Variants in AAK1 observed in about 807,000 individuals in gnomAD.
AAK1 encodes the protein AP2 associated kinase 1, also known as AP2-associated protein kinase 1.
In AAK1, 37 loss-of-function variants were observed where a neutral mutation model predicts 116.0. The observed-to-expected ratio is 0.32, with a 90% confidence interval of 0.25 to 0.42. AAK1 has a LOEUF of 0.42. AAK1 is among the 10% of genes least tolerant of loss of function. AAK1 has a pLI of 1.00. For synonymous variants in AAK1, 458 were observed against 439.9 expected (o/e 1.04, Z -0.51); for missense variants, 919 against 1,170.6 (o/e 0.79, Z 3.14).
chr2:69,630,295 A>G (rs1675104874), intron 2 of AAK1, among the ~76,000 whole-genome samples: 1 of 129,314 alleles, frequency 7.7e-6, no homozygotes, highest in Non-Finnish European at 1.6e-5. Flanking sequence ...TCTTCTCCCT[A>G]TTCCTCATCT....
At chr2:69,614,570 A>T (rs1184533465) in intron 2 of AAK1, among the ~76,000 whole-genome samples, 2 of 151,898 alleles carry the variant, frequency 1.3e-5, no homozygotes, top group Non-Finnish European at 2.9e-5. Flanking sequence ...AAAAACAAAA[A>T]CCTTTGCTCC....
At chr2:69,584,108 C>G (rs1456419684) in intron 2 of AAK1, among the ~76,000 whole-genome samples, 1 of 152,176 alleles carries the variant, frequency 6.6e-6, no homozygotes, top group East Asian at 1.9e-4. Context: ...GCTTCATCTC[C>G]CTCCCCGCAA....
In AAK1 at chr2:69,480,946, G is replaced by A; in HGVS notation, c.2483C>T (p.Ala828Val). 6.2e-7 allele frequency: 1 copy of A among 1,604,344 alleles called. No individual in the cohort carries two copies. Among genetic ancestry groups the A allele is most frequent in the Non-Finnish European group, 8.5e-7 (1 of 1,175,902 alleles). Residue 828 changes from alanine to valine, a missense_variant, in exon 19 of 22, where the codon GCT becomes GTT. This residue lies in a region of AAK1 where 263 missense variants were observed against 285.5 expected (regional missense o/e 0.92). Coordinates refer to ENST00000409085, the MANE Select transcript of AAK1 (RefSeq NM_014911.5). ...CAGTCCTGGTATGAGACTCTCAACAGCAACATCAGCTTTTTCTTTCGTAAC... is the reference window on the plus strand; with the variant it reads ...CAGTCCTGGTATGAGACTCTCAACAACAACATCAGCTTTTTCTTTCGTAAC... ...SDAVIEKADV[A>V]VESLIPGLEP...
chr2:69,530,522 T>C (rs1670209458), intron 7 of AAK1, 103 bp downstream of exon 7: 5 of 914,782 alleles, frequency 5.5e-6, no homozygotes, highest in East Asian at 2.5e-5. Context: ...GACCATGATA[T>C]GGTACAGTAG....
chr2:69,582,374 C>CGTGTGTGTGCACGT, intron 2 of AAK1, among the ~76,000 whole-genome samples: 1 of 145,970 alleles, frequency 6.9e-6, no homozygotes, highest in East Asian at 1.9e-4. Flanking sequence ...TCCGTGTGTG[C>CGTGTGTGTGCACGT]GTGTGTGTGC....
At chr2:69,633,408 C>T (rs570429240) in intron 2 of AAK1, among the ~76,000 whole-genome samples, 1 of 151,710 alleles carries the variant, frequency 6.6e-6, no homozygotes, top group Non-Finnish European at 1.5e-5. Context: ...CGAGACCATC[C>T]TGGTCAACAT....
chr2:69,623,435 G>A (rs2871966), intron 2 of AAK1, among the ~76,000 whole-genome samples: 77,450 of 151,884 alleles, frequency 0.51, 22,197 homozygotes, highest in East Asian at 0.75. Flanking sequence ...CAGCCTCGTA[G>A]ATGCCCTTCC....
intron 16 of AAK1, among the ~76,000 whole-genome samples, chr2:69,496,319 C>A (rs1675741771): frequency 6.8e-6 from 1 of 148,072 alleles, no homozygotes; most frequent in African/African-American, 2.6e-5. Context: ...GTCCACCAGG[C>A]TGGAGTGCAA....
At chr2:69,587,398 C>CATATATACACATGTGTATATATACACAT (rs1172759636) in intron 2 of AAK1, among the ~76,000 whole-genome samples, 18 of 149,284 alleles carry the variant, frequency 1.2e-4, no homozygotes, top group Non-Finnish European at 1.0e-4. Context: ...CACGTGTGTA[C>CATATATACACATGTGTATATATACACAT]ATATATACAC....
At chr2:69,576,723 A>T (rs1672330631) in intron 2 of AAK1, among the ~76,000 whole-genome samples, 1 of 152,218 alleles carries the variant, frequency 6.6e-6, no homozygotes, top group African/African-American at 2.4e-5. Context: ...TGCTTATGAG[A>T]AGTTTATCAA....
chr2:69,470,581 C>T lies in AAK1; in HGVS notation c.*5288G>A, dbSNP rs73934957. 4,350 of 985,358 alleles carry T rather than the reference C, an allele frequency of 4.4e-3. 166 individuals carry two copies. In the African/African-American group the frequency reaches 0.07, roughly 16 times the overall value. 61.0% of individuals were successfully genotyped at this position (985,358 alleles called of 1,614,324 possible). A position where few individuals can be genotyped will look rare whatever the true frequency, so the allele number is the denominator to read the frequency against. Reference sequence around the variant, plus strand: ...CTCACTGGGGATAAAATTATTCTTGCCAACACAAAATGTTTAATTAAGTTG... The same window carrying T: ...CTCACTGGGGATAAAATTATTCTTGTCAACACAAAATGTTTAATTAAGTTG... On this transcript the variant is annotated 3_prime_UTR_variant, in exon 22 of 22. Transcript: ENST00000409085.
chr2:69,606,892 C>A (rs1673820644), intron 2 of AAK1, among the ~76,000 whole-genome samples: 1 of 151,862 alleles, frequency 6.6e-6, no homozygotes, highest in African/African-American at 2.4e-5. Flanking sequence ...CAGGTAAAAC[C>A]CCATCTCTAC....
intron 2 of AAK1, among the ~76,000 whole-genome samples, chr2:69,593,244 G>A (rs1430070128): frequency 6.6e-6 from 1 of 151,908 alleles, no homozygotes; most frequent in Non-Finnish European, 1.5e-5. Context: ...AACCAAAGTT[G>A]GAAACCTAAA....
In AAK1 at chr2:69,470,883, C is replaced by T. The variant is rs921103038; in HGVS notation, c.*4986G>A. 3 of 985,690 alleles carry T rather than the reference C, an allele frequency of 3.0e-6. No homozygotes were observed. The highest frequency in any genetic ancestry group is 9.4e-5 in the South Asian group (2 of 21,290). 61.1% of individuals were successfully genotyped at this position (985,690 alleles called of 1,614,324 possible). On this transcript the variant is annotated 3_prime_UTR_variant, in exon 22 of 22. Transcript: ENST00000409085. ...GGTTTTCAGCTCAGGAAAAGAGCAA[C>T]TTATTTTAAGTTATTTACATCTCTA... is the stretch of plus-strand genomic sequence containing the variant.
At chr2:69,620,818 A>T (rs72837983) in intron 2 of AAK1, among the ~76,000 whole-genome samples, 5,284 of 152,056 alleles carry the variant, frequency 0.035, 179 homozygotes, top group Non-Finnish European at 0.048. Flanking sequence ...TACTCTTCTG[A>T]CTCTTGACTA....
At chr2:69,524,258 A>T (rs1407748092) in intron 10 of AAK1, among the ~76,000 whole-genome samples, 3 of 152,128 alleles carry the variant, frequency 2.0e-5, no homozygotes, top group Non-Finnish European at 4.4e-5. Flanking sequence ...CATTTTTTAA[A>T]AAGAGATAGG....
intron 2 of AAK1, among the ~76,000 whole-genome samples, chr2:69,569,036 T>C (rs947975594): frequency 6.6e-6 from 1 of 152,198 alleles, no homozygotes; most frequent in Non-Finnish European, 1.5e-5. Flanking sequence ...TGATGCCCCT[T>C]AGCTCAGGCC....
rs1054682694 is a variant in AAK1 at position 69,461,776 on chromosome 2, G to C, written c.*14093C>G. Reference sequence around the variant, plus strand: ...CCAGCTACTTTTTGTATTTTTGGTAGAGACAGGGTTTCACCATGTTGGCCA... The same window carrying C: ...CCAGCTACTTTTTGTATTTTTGGTACAGACAGGGTTTCACCATGTTGGCCA... On this transcript the variant is annotated 3_prime_UTR_variant, in exon 22 of 22. Transcript: ENST00000409085. The C allele has an allele frequency of 9.9e-6, 3 of 304,524 alleles. No homozygotes were observed. The highest frequency in any genetic ancestry group is 1.9e-5 in the Non-Finnish European group (3 of 153,870). 18.9% of individuals were successfully genotyped at this position (304,524 alleles called of 1,614,324 possible).
At chr2:69,505,439 C>A in intron 16 of AAK1, 130 bp downstream of exon 16, 2 of 436,880 alleles carry the variant, frequency 4.6e-6, no homozygotes, top group Non-Finnish European at 3.9e-6. Flanking sequence ...CCATGAAAAA[C>A]ATATATATAT....
Sources: allele counts gnomAD v4.1 joint callset (sites outside exome capture counted in the v4.1 genomes callset), GRCh38; gene constraint gnomAD v4.1.1; regional missense constraint gnomAD v4.1.1; transcripts MANE v1.5; gene names NCBI Gene and HGNC (gene_info 2026-07-23, HGNC 2026-07-21).